The following IGSF3 variants were observed in gnomAD, a reference collection of about 807,000 sequenced individuals.
IGSF3 encodes the protein glu-Trp-Ile EWI motif-containing protein 3.
A neutral mutation model predicts 114.4 loss-of-function variants in IGSF3; 23 were observed. The ratio of observed to expected loss-of-function variants is 0.20; its 90% CI spans 0.14 to 0.28. The LOEUF is 0.28. Among genes scored for constraint, IGSF3 ranks in the 10% least tolerant of loss-of-function variants. The pLI, the probability that IGSF3 is intolerant of heterozygous loss-of-function variation, is 1.00. For synonymous variants in IGSF3, 571 were observed against 645.2 expected, an observed-to-expected ratio of 0.88 and a Z score of 1.74; for missense variants, 1,172 against 1,591.5, an observed-to-expected ratio of 0.74 and a Z score of 4.48.
In IGSF3 at chr1:116,632,659, A is replaced by C. The variant is rs1647644236; in HGVS notation, c.44-16202T>G. ...GCATTAAAGGAAATCCATGCTCTGG[A>C]GGGGAGAAAGAGAGGCTGTACTCAT... On this transcript the variant is annotated intron_variant, in intron 2 of 10. Transcript: ENST00000369486. This position sits in a 1 kb window ranked among gnomAD's most constrained non-coding sequence, Gnocchi z 5.1. Among the ~76,000 whole-genome samples the C allele has an allele frequency of 6.6e-6, 1 of 152,124 alleles. No individual in the cohort carries two copies. Among genetic ancestry groups the C allele is most frequent in the African/African-American group, 2.4e-5 (1 of 41,406 alleles).
intron 2 of IGSF3, among the ~76,000 whole-genome samples, chr1:116,653,946 T>C (rs1004585418): frequency 2.0e-5 from 3 of 152,228 alleles, no homozygotes; most frequent in Non-Finnish European, 2.9e-5. Flanking sequence ...AGAAGACAGA[T>C]TGTAACGTTG....
Position 116,627,204 on chromosome 1 carries a change from G to A in IGSF3, c.44-10747C>T, listed in dbSNP as rs915677553. The stretch of plus-strand genomic sequence containing the variant: ...GAGAAGTCCAGAGGCTCAGTGAACC[G>A]CAGCTTAGAGTGAGTTCCAGTAAAA... On this transcript the variant is annotated intron_variant, in intron 2 of 10. Transcript: ENST00000369486. The surrounding 1 kb of genome is among the most constrained non-coding windows in gnomAD (Gnocchi z 4.7). 2.0e-5 allele frequency among the ~76,000 whole-genome samples: 3 copies of A among 152,092 alleles called. No homozygotes were observed. The highest frequency in any genetic ancestry group is 2.9e-5 in the Non-Finnish European group (2 of 68,030).
rs549588340 is a variant in IGSF3, at chr1:116,579,710, G to C, written c.3016C>G (p.Leu1006Val). The change falls in exon 10 of 11, where the codon CTG becomes GTG. Residue 1006 changes from leucine (L) to valine (V), a missense_variant. By Grantham distance (32) the Leu-to-Val change is conservative. Around this residue, in one of 3 missense-constraint regions of IGSF3, gnomAD observed 423 missense variants for 509.8 expected, o/e 0.83. Coordinates refer to ENST00000369486, the MANE Select transcript of IGSF3 (RefSeq NM_001007237.3). This position sits in a 1 kb window ranked among gnomAD's most constrained non-coding sequence, Gnocchi z 6.4. ...TCCCTTTCCTCTTCCTGTTCTTCCA[G>C]GCCAGGGCTGCTCCTTTTCCCCCCA... ...KAGGKRSSPG[L>V]EEQEEEREEE... 8.1e-6 allele frequency: 13 copies of C among 1,612,066 alleles called. No homozygotes were observed. The highest frequency in any genetic ancestry group is 1.1e-5 in the Non-Finnish European group (13 of 1,179,128).
chr1:116,665,227 T>C lies in IGSF3; in HGVS notation c.43+1057A>G, dbSNP rs1440477891. Among the ~76,000 whole-genome samples the C allele has an allele frequency of 2.0e-5, 3 of 152,298 alleles. No homozygotes were observed. Among genetic ancestry groups the C allele is most frequent in the Admixed American group, 1.3e-4 (2 of 15,292 alleles). On this transcript the variant is annotated intron_variant, in intron 2 of 10. Transcript: ENST00000369486. The surrounding 1 kb of genome is among the most constrained non-coding windows in gnomAD (Gnocchi z 4.0). The stretch of plus-strand genomic sequence containing the variant: ...ACACCTGTTACCTACTGCAAGGGTG[T>C]AGACAATGCATGGAAGCAATCTCCA...
In IGSF3 at chr1:116,624,520, C is replaced by T. The variant is rs148184537; in HGVS notation, c.44-8063G>A. On this transcript the variant is annotated intron_variant, in intron 2 of 10. Transcript: ENST00000369486. The surrounding 1 kb of genome is among the most constrained non-coding windows in gnomAD (Gnocchi z 4.9). ...GTTTAGCCACTAGTTGCAGTAGTAG[C>T]AATAGTAGTGATATTAACTCTAGCT... 4.1e-3 allele frequency among the ~76,000 whole-genome samples: 627 copies of T among 152,306 alleles called. 6 individuals carry two copies. The highest frequency in any genetic ancestry group is 0.014 in the African/African-American group (596 of 41,554).
intron 2 of IGSF3, among the ~76,000 whole-genome samples, chr1:116,645,722 A>G (rs1259216307): frequency 1.3e-5 from 2 of 152,248 alleles, no homozygotes; most frequent in Non-Finnish European, 2.9e-5. Context: ...AGCAAGCAAC[A>G]CATAGGCCTT....
rs1019767280 is a variant in IGSF3 at position 116,650,103 on chromosome 1, G to A, written c.43+16181C>T. ...TCTGTCTCTGAATAATGTGCTTTTT[G>A]ATGATAATCTGAATGGTACAAGAAG... On this transcript the variant is annotated intron_variant, in intron 2 of 10. Coordinates refer to ENST00000369486, the MANE Select transcript of IGSF3 (RefSeq NM_001007237.3). The surrounding 1 kb of genome is among the most constrained non-coding windows in gnomAD (Gnocchi z 5.0). Among the ~76,000 whole-genome samples the A allele has an allele frequency of 1.3e-5, 2 of 152,172 alleles. No individual in the cohort carries two copies. Among genetic ancestry groups the A allele is most frequent in the African/African-American group, 4.8e-5 (2 of 41,424 alleles).
intron 1 of IGSF3, among the ~76,000 whole-genome samples, chr1:116,667,303 C>T (rs1270825656): frequency 6.6e-6 from 1 of 152,194 alleles, no homozygotes; most frequent in Non-Finnish European, 1.5e-5. Context: ...CCGGCCCCCG[C>T]CCCAACCGTG....
intron 7 of IGSF3, among the ~76,000 whole-genome samples, chr1:116,590,015 G>A (rs1182397280): frequency 6.6e-6 from 1 of 152,140 alleles, no homozygotes; most frequent in Non-Finnish European, 1.5e-5. Context: ...GAGCGAATGA[G>A]AGCACGTTGG....
Position 116,642,924 on chromosome 1 carries a change from CCT to C in IGSF3, c.43+23358_43+23359del, listed in dbSNP as rs1166092198. ...AAAATATTTCACCACCTGGAACCTC[CCT>C]GTCCCACCCATCTTCACTTGCAATA... is the stretch of plus-strand genomic sequence containing the variant. On this transcript the variant is annotated intron_variant, in intron 2 of 10. Coordinates refer to ENST00000369486, the MANE Select transcript of IGSF3 (RefSeq NM_001007237.3). This position sits in a 1 kb window ranked among gnomAD's most constrained non-coding sequence, Gnocchi z 5.4. Among the ~76,000 whole-genome samples, 1 of 152,182 alleles carries C rather than the reference CCT, an allele frequency of 6.6e-6. No individual in the cohort carries two copies. The highest frequency in any genetic ancestry group is 1.9e-4 in the East Asian group (1 of 5,192).
intron 2 of IGSF3, among the ~76,000 whole-genome samples, chr1:116,646,560 C>T (rs1005540556): frequency 2.6e-5 from 4 of 152,066 alleles, no homozygotes; most frequent in Non-Finnish European, 4.4e-5. Flanking sequence ...CAGAAGATGG[C>T]GTTAAAGAGT....
chr1:116,588,642 A>T lies in IGSF3; in HGVS notation c.2440+52T>A. ...CACAGATCCCCACCCACCCCCAGGCAGTCTCTGCACTAAACCCACTGGCCC... is the reference window on the plus strand; with the variant it reads ...CACAGATCCCCACCCACCCCCAGGCTGTCTCTGCACTAAACCCACTGGCCC... On this transcript the variant is annotated intron_variant, in intron 8 of 10. Transcript: ENST00000369486. The surrounding 1 kb of genome is among the most constrained non-coding windows in gnomAD (Gnocchi z 4.9). 1 of 1,124,674 alleles carries T rather than the reference A, an allele frequency of 8.9e-7. No individual in the cohort carries two copies. The highest frequency in any genetic ancestry group is 1.3e-6 in the Non-Finnish European group (1 of 790,508). 69.7% of individuals were successfully genotyped at this position (1,124,674 alleles called of 1,614,324 possible). A position where few individuals can be genotyped will look rare whatever the true frequency, so the allele number is the denominator to read the frequency against.
intron 2 of IGSF3, among the ~76,000 whole-genome samples, chr1:116,621,618 A>T (rs536713303): frequency 6.6e-6 from 1 of 151,944 alleles, no homozygotes; most frequent in South Asian, 2.1e-4. Flanking sequence ...TTTTTTTTAC[A>T]TCAATATATA....
Position 116,650,182 on chromosome 1 carries a change from AAGT to A in IGSF3, c.43+16099_43+16101del. 6.6e-6 allele frequency among the ~76,000 whole-genome samples: 1 copy of A among 152,212 alleles called. No individual in the cohort carries two copies. Among genetic ancestry groups the A allele is most frequent in the East Asian group, 1.9e-4 (1 of 5,196 alleles). ...GTGTCTAACATAGGTTAGACACTAT[AAGT>A]AGTAGAAAATTCCAACTCAACTGGC... On this transcript the variant is annotated intron_variant, in intron 2 of 10. Transcript: ENST00000369486. This position sits in a 1 kb window ranked among gnomAD's most constrained non-coding sequence, Gnocchi z 5.0.
chr1:116,588,970 G>A lies in IGSF3; in HGVS notation c.2164C>T (p.Pro722Ser), dbSNP rs1659974179. 15 of 1,614,128 alleles carry A rather than the reference G, an allele frequency of 9.3e-6. No homozygotes were observed. The highest frequency in any genetic ancestry group is 1.3e-5 in the Non-Finnish European group (15 of 1,180,050). ...ATAAGCTTGCCATCGGCATCCGAGG[G>A]CTTGTGGACATACCAGAGCACCGCA... ...HFAVLWYVHK[P>S]SDADGKLILK... The change falls in exon 8 of 11, where the codon CCC becomes TCC. Residue 722 changes from proline (P) to serine (S), a missense_variant. Transcript: ENST00000369486. The surrounding 1 kb of genome is among the most constrained non-coding windows in gnomAD (Gnocchi z 4.9).
chr1:116,656,954 T>G (rs919310744), intron 2 of IGSF3, among the ~76,000 whole-genome samples: 29 of 152,036 alleles, frequency 1.9e-4, no homozygotes, highest in African/African-American at 5.8e-4. Context: ...ATTAATTAAT[T>G]AATTAAAGCA....
rs1234922601 is a variant in IGSF3 at position 116,576,029 on chromosome 1, AT to A, written c.*1282del. 1.3e-5 allele frequency: 2 copies of A among 152,244 alleles called. No homozygotes were observed. Among genetic ancestry groups the A allele is most frequent in the Non-Finnish European group, 2.9e-5 (2 of 68,058 alleles). The allele number at this position is 152,244 out of a possible 1,614,324, so 9.4% of individuals were successfully genotyped here. A position where few individuals can be genotyped will look rare whatever the true frequency, so the allele number is the denominator to read the frequency against. On this transcript the variant is annotated 3_prime_UTR_variant, in exon 11 of 11. Transcript: ENST00000369486. The surrounding 1 kb of genome is among the most constrained non-coding windows in gnomAD (Gnocchi z 4.6). ...GGACTGCCCCCAGGCTGATATTCTT[AT>A]GGCAGTGAGAGGCAGGGAGAGAAAA...
chr1:116,647,467 T>C lies in IGSF3; in HGVS notation c.43+18817A>G, dbSNP rs1648431831. ...TGACCGGGGTGGCAACCCCTGGCTC[T>C]GCTCAACAATAATGACAACCACCAT... is the stretch of plus-strand genomic sequence containing the variant. On this transcript the variant is annotated intron_variant, in intron 2 of 10. Transcript: ENST00000369486. The surrounding 1 kb of genome is among the most constrained non-coding windows in gnomAD (Gnocchi z 4.6). Among the ~76,000 whole-genome samples, 2 of 152,242 alleles carry C rather than the reference T, an allele frequency of 1.3e-5. No homozygotes were observed. The highest frequency in any genetic ancestry group is 4.8e-5 in the African/African-American group (2 of 41,468).
intron 2 of IGSF3, among the ~76,000 whole-genome samples, chr1:116,652,052 T>C (rs576291635): frequency 5.9e-5 from 9 of 152,290 alleles, no homozygotes; most frequent in African/African-American, 1.9e-4. Flanking sequence ...AGAGATCTAA[T>C]CTAATCTTGG....
Sources: allele counts gnomAD v4.1 joint callset (sites outside exome capture counted in the v4.1 genomes callset), GRCh38; gene constraint gnomAD v4.1.1; regional missense constraint gnomAD v4.1.1; non-coding constraint Gnocchi (gnomAD v3.1); transcripts MANE v1.5; gene names NCBI Gene and HGNC (gene_info 2026-07-23, HGNC 2026-07-21).